Variants in SHC3 observed in about 807,000 individuals in gnomAD.
SHC3 encodes SHC adaptor protein 3, also known as SHC-transforming protein 3.
A neutral mutation model predicts 60.4 loss-of-function variants in SHC3; 15 were observed. The ratio of observed to expected loss-of-function variants is 0.25; its 90% CI spans 0.17 to 0.38. The LOEUF is 0.38. SHC3 is among the 10% of genes least tolerant of loss of function. The pLI is 1.00. For missense variants in SHC3, 677 were observed against 786.1 expected (o/e 0.86, Z 1.66); for synonymous variants, 294 against 325.9 (o/e 0.90, Z 1.05).
rs561591526 is a variant in SHC3, at chr9:89,023,710, G to A, written c.1657-10135C>T. 1.8e-4 allele frequency among the ~76,000 whole-genome samples: 28 copies of A among 152,330 alleles called. 1 individual carries two copies. In the South Asian group the frequency reaches 2.9e-3, roughly 16 times the overall value. Reference sequence around the variant, plus strand: ...TTAACTGGCCATAGACAGCAGAACAGAATCAGAAGGTATGACCACATAGAG... The same window carrying A: ...TTAACTGGCCATAGACAGCAGAACAAAATCAGAAGGTATGACCACATAGAG... On this transcript the variant is annotated intron_variant, in intron 11 of 11. Transcript: ENST00000375835.
At chr9:89,059,692 G>GGTGGTGGAGGACA (rs1564109201) in intron 6 of SHC3, among the ~76,000 whole-genome samples, 5 of 47,608 alleles carry the variant, frequency 1.1e-4, no homozygotes, top group East Asian at 1.1e-3. Context: ...GGTGGAGGAT[G>GGTGGTGGAGGACA]GTGGTGGAGG....
At chr9:89,136,331 C>T (rs1302252218) in intron 1 of SHC3, among the ~76,000 whole-genome samples, 1 of 152,140 alleles carries the variant, frequency 6.6e-6, no homozygotes, top group East Asian at 1.9e-4. Flanking sequence ...TTAAGGCATT[C>T]TAAGTCACAG....
rs1429525955 is a variant in SHC3 at position 89,178,294 on chromosome 9, G to T, written c.167C>A (p.Ala56Glu). 7 of 1,570,736 alleles carry T rather than the reference G, an allele frequency of 4.5e-6. No homozygotes were observed. Among genetic ancestry groups the T allele is most frequent in the Non-Finnish European group, 6.0e-6 (7 of 1,160,938 alleles). ...YLVSGEALRK[A>E]PDDGPGSLGH... is the part of the protein sequence containing the mutation. ...CAGGCTGCCGGGCCCATCGTCGGGC[G>T]CCTTGCGCAGCGCCTCGCCGGACAC... The change falls in exon 1 of 12, where the codon GCG becomes GAG. Residue 56 changes from alanine to glutamate, a missense_variant. By Grantham distance (107) the Ala-to-Glu change is moderately radical. Transcript: ENST00000375835. The surrounding 1 kb of genome is among the most constrained non-coding windows in gnomAD (Gnocchi z 6.9).
intron 1 of SHC3, among the ~76,000 whole-genome samples, chr9:89,113,489 C>CA (rs1390420723): frequency 1.3e-5 from 2 of 151,530 alleles, no homozygotes; most frequent in African/African-American, 4.9e-5. Context: ...GACTCCATCT[C>CA]AAAAAAGAAA....
At chr9:89,057,638 A>C (rs956689431) in intron 6 of SHC3, among the ~76,000 whole-genome samples, 2 of 152,176 alleles carry the variant, frequency 1.3e-5, no homozygotes, top group Non-Finnish European at 2.9e-5. Flanking sequence ...ACAAAAAAAA[A>C]CATATACAAA....
intron 2 of SHC3, among the ~76,000 whole-genome samples, chr9:89,087,196 A>G (rs1445758586): frequency 6.6e-6 from 1 of 152,230 alleles, no homozygotes; most frequent in African/African-American, 2.4e-5. Flanking sequence ...TGATGGCAAC[A>G]AAGTCAAACA....
chr9:89,062,455 A>T (rs1312670602), intron 6 of SHC3, among the ~76,000 whole-genome samples: 1 of 152,224 alleles, frequency 6.6e-6, no homozygotes, highest in Non-Finnish European at 1.5e-5. Context: ...CACTGGATTA[A>T]CTATAGAAGC....
At chr9:89,094,477 A>T (rs917346107) in intron 2 of SHC3, among the ~76,000 whole-genome samples, 1 of 152,242 alleles carries the variant, frequency 6.6e-6, no homozygotes, top group African/African-American at 2.4e-5. Flanking sequence ...GAAGATGATG[A>T]CTCAATGACA....
chr9:89,041,902 T>C, intron 10 of SHC3, 124 bp downstream of exon 10: 1 of 1,222,894 alleles, frequency 8.2e-7, no homozygotes, highest in East Asian at 2.5e-5. Flanking sequence ...AAAGTACAGC[T>C]AATCATCACC....
Position 89,013,333 on chromosome 9 carries a change from T to G in SHC3, c.*114A>C, listed in dbSNP as rs1381018510. The G allele has an allele frequency of 7.7e-7, 1 of 1,304,010 alleles. No homozygotes were observed. The highest frequency in any genetic ancestry group is 2.6e-5 in the East Asian group (1 of 37,782). The allele number at this position is 1,304,010 out of a possible 1,614,324, so 80.8% of individuals were successfully genotyped here. A position where few individuals can be genotyped will look rare whatever the true frequency, so the allele number is the denominator to read the frequency against. On this transcript the variant is annotated 3_prime_UTR_variant, in exon 12 of 12. Transcript: ENST00000375835. Reference sequence around the variant, plus strand: ...TTAAAGGAAGCCTTCCTTTTGAAGCTTTTGAAGAAGGCTCTGAGCCACAGG... The same window carrying G: ...TTAAAGGAAGCCTTCCTTTTGAAGCGTTTGAAGAAGGCTCTGAGCCACAGG...
rs571185275 is a variant in SHC3 at position 89,095,296 on chromosome 9, C to G, written c.545+17260G>C. On this transcript the variant is annotated intron_variant, in intron 2 of 11. Transcript: ENST00000375835. ...ATATTAAAGGAAGGAAATTCTGACA[C>G]GTGCTACAAGATGGATAAACCTTGA... Among the ~76,000 whole-genome samples, 10 of 152,292 alleles carry G rather than the reference C, an allele frequency of 6.6e-5. No homozygotes were observed. The South Asian group carries it at 2.1e-3, about 32-fold the overall frequency.
At chr9:89,131,271 C>T (rs761932918) in intron 1 of SHC3, among the ~76,000 whole-genome samples, 1 of 152,022 alleles carries the variant, frequency 6.6e-6, no homozygotes, top group Non-Finnish European at 1.5e-5. Context: ...TATTAATAGC[C>T]TACCAACCAA....
chr9:89,149,044 G>A (rs550939908), intron 1 of SHC3, among the ~76,000 whole-genome samples: 1 of 152,236 alleles, frequency 6.6e-6, no homozygotes, highest in South Asian at 2.1e-4. Flanking sequence ...CTGTTTACTC[G>A]CCTGAAGAAT....
intron 1 of SHC3, among the ~76,000 whole-genome samples, chr9:89,128,786 C>A (rs140534435): frequency 1.3e-5 from 2 of 152,128 alleles, no homozygotes; most frequent in South Asian, 2.1e-4. Context: ...GATAAAACTA[C>A]AAAGATTGGG....
Position 89,178,382 on chromosome 9 carries a change from C to A in SHC3, c.79G>T (p.Val27Leu), listed in dbSNP as rs1826979882. Residue 27 changes from valine (V) to leucine (L), a missense_variant, in exon 1 of 12, where the codon GTG (valine) becomes TTG (leucine). Transcript: ENST00000375835. This position sits in a 1 kb window ranked among gnomAD's most constrained non-coding sequence, Gnocchi z 6.9. ...GAAACCTTGCCTCCGCCGCCGCTCA[C>A]CGACAGGCTGTGGAGAAGGTCATCG... ...SVDDLLHSLS[V>L]SGGGGKVSAA... is the part of the protein sequence containing the mutation. The A allele has an allele frequency of 3.2e-6, 5 of 1,576,618 alleles. No homozygotes were observed. The highest frequency in any genetic ancestry group is 4.3e-6 in the Non-Finnish European group (5 of 1,163,574).
Position 89,126,460 on chromosome 9 carries a change from G to T in SHC3, c.475-13834C>A, listed in dbSNP as rs936205745. ...TGCACTCTTTGCTGATGGCTTAGGT[G>T]ATGGGATTAAGCATGTTCAAGATCA... On this transcript the variant is annotated intron_variant, in intron 1 of 11. Coordinates refer to ENST00000375835, the MANE Select transcript of SHC3 (RefSeq NM_016848.6). 1.2e-4 allele frequency among the ~76,000 whole-genome samples: 19 copies of T among 152,312 alleles called. 1 individual carries two copies. In the Middle Eastern group the frequency reaches 0.017, roughly 136 times the overall value.
intron 2 of SHC3, among the ~76,000 whole-genome samples, chr9:89,094,768 C>T (rs1463377103): frequency 6.6e-6 from 1 of 152,130 alleles, no homozygotes; most frequent in Non-Finnish European, 1.5e-5. Context: ...CCTGGCATTA[C>T]AGTCACGAGC....
In SHC3 at chr9:89,037,467, G is replaced by A. The variant is rs148830197; in HGVS notation, c.1656+526C>T. On this transcript the variant is annotated intron_variant, in intron 11 of 11. Coordinates refer to ENST00000375835, the MANE Select transcript of SHC3 (RefSeq NM_016848.6). The stretch of plus-strand genomic sequence containing the variant: ...AGATGAAAAATTCAGCCAAACCTAC[G>A]GGATTATTCAGATACAGCTGTAGTG... The A allele has an allele frequency of 2.9e-4, 201 of 698,806 alleles. 2 individuals are homozygous for A. The East Asian group carries it at 4.7e-3, about 16-fold the overall frequency. 43.3% of individuals were successfully genotyped at this position (698,806 alleles called of 1,614,324 possible).
chr9:89,154,685 A>G (rs1309898092), intron 1 of SHC3, among the ~76,000 whole-genome samples: 2 of 152,226 alleles, frequency 1.3e-5, no homozygotes, highest in African/African-American at 2.4e-5. Flanking sequence ...GGTGTTCATC[A>G]AAAGACCTAG....
Sources: gnomAD v4.1 joint callset for allele counts (sites outside exome capture counted in the v4.1 genomes callset) on GRCh38, gnomAD v4.1.1 for gene constraint, Gnocchi (gnomAD v3.1) non-coding constraint, MANE v1.5 for transcripts, NCBI Gene and HGNC (gene_info 2026-07-23, HGNC 2026-07-21) for gene names.